TRPC4: variants seen among roughly 807,000 people sequenced by gnomAD.
TRPC4 encodes transient receptor potential cation channel subfamily C member 4.
Under a neutral mutation model 99.4 loss-of-function variants are expected in TRPC4, and 49 were observed. The ratio of observed to expected loss-of-function variants is 0.49; its 90% CI spans 0.39 to 0.63. TRPC4 has a LOEUF of 0.63. Ranked by LOEUF, TRPC4 falls within the 20% of genes least tolerant of loss-of-function variation. The pLI, the probability that TRPC4 is intolerant of heterozygous loss-of-function variation, is 0.00. For missense variants in TRPC4, 898 were observed against 1,152.9 expected, an observed-to-expected ratio of 0.78 and a Z score of 3.20; for synonymous variants, 454 against 425.9, an observed-to-expected ratio of 1.07 and a Z score of -0.81.
At chr13:37,679,934 T>C (rs1228010038) in intron 4 of TRPC4, among the ~76,000 whole-genome samples, 2 of 152,188 alleles carry the variant, frequency 1.3e-5, no homozygotes, top group African/African-American at 4.8e-5. Context: ...TCCATACCTA[T>C]GGTGCTTTCT....
At chr13:37,745,490 T>TATA (rs1430019868) in intron 3 of TRPC4, among the ~76,000 whole-genome samples, 3 of 111,980 alleles carry the variant, frequency 2.7e-5, no homozygotes, top group African/African-American at 1.3e-4. Context: ...ACACACACAC[T>TATA]TATATATACG....
intron 2 of TRPC4, among the ~76,000 whole-genome samples, chr13:37,762,443 A>G (rs1956247872): frequency 6.6e-6 from 1 of 151,564 alleles, no homozygotes; most frequent in African/African-American, 2.4e-5. Context: ...CACTATTCAC[A>G]ATAGCGAAGA....
At position 37,844,891 on chromosome 13, in the gene TRPC4, C is replaced by T. The variant is rs140805071; in HGVS notation, c.-28+24704G>A. The stretch of plus-strand genomic sequence containing the variant: ...CAAGCAGCAATCCTAGGTACTTCAC[C>T]AGCCTTGGATCCCAGCAAATGGCCC... On this transcript the variant is annotated intron_variant, in intron 1 of 10. Transcript: ENST00000379705. Among the ~76,000 whole-genome samples, 543 of 152,208 alleles carry T rather than the reference C, an allele frequency of 3.6e-3. 4 individuals are homozygous for T. The highest frequency in any genetic ancestry group is 0.013 in the African/African-American group (527 of 41,518).
At chr13:37,783,478 ATTAAGAG>A (rs1468011211) in intron 1 of TRPC4, 118 bp from the exon 2 acceptor site, 1 of 717,242 alleles carries the variant, frequency 1.4e-6, no homozygotes, top group African/African-American at 1.8e-5. Context: ...ATTAGTAACT[ATTAAGAG>A]TTAAGGTTTT....
At chr13:37,722,612 AC>A (rs1954911395) in intron 3 of TRPC4, among the ~76,000 whole-genome samples, 1 of 152,212 alleles carries the variant, frequency 6.6e-6, no homozygotes, top group African/African-American at 2.4e-5. Context: ...ATGTTTTCAT[AC>A]ACAAGATGTT....
intron 3 of TRPC4, among the ~76,000 whole-genome samples, chr13:37,726,200 C>A (rs9532110): frequency 0.94 from 138,827 of 148,006 alleles, 65,342 homozygotes; most frequent in Non-Finnish European, 0.98. Flanking sequence ...CGTCCCCCCC[C>A]AAAAAAAAAA....
intron 4 of TRPC4, among the ~76,000 whole-genome samples, chr13:37,687,241 G>C (rs1953513968): frequency 6.6e-6 from 1 of 152,116 alleles, no homozygotes; most frequent in South Asian, 2.1e-4. Flanking sequence ...GGGATTATAG[G>C]TGTGAGCCAC....
intron 6 of TRPC4, among the ~76,000 whole-genome samples, chr13:37,656,690 T>C (rs772231294): frequency 2.0e-5 from 3 of 151,990 alleles, no homozygotes; most frequent in Non-Finnish European, 4.4e-5. Context: ...ATGACAGGGG[T>C]TATGATGTGG....
intron 3 of TRPC4, among the ~76,000 whole-genome samples, chr13:37,714,741 TC>T (rs1954604810): frequency 8.6e-6 from 1 of 116,496 alleles, no homozygotes; most frequent in South Asian, 3.4e-4. Flanking sequence ...CCCTCACCGC[TC>T]CTTTACTTCT....
At chr13:37,703,811 G>A (rs1377486092) in intron 3 of TRPC4, among the ~76,000 whole-genome samples, 2 of 151,878 alleles carry the variant, frequency 1.3e-5, no homozygotes, top group South Asian at 4.1e-4. Flanking sequence ...ATCTACCAAT[G>A]ATACATCCAT....
intron 3 of TRPC4, among the ~76,000 whole-genome samples, chr13:37,696,559 G>T (rs936766189): frequency 6.6e-6 from 1 of 152,096 alleles, no homozygotes; most frequent in African/African-American, 2.4e-5. Flanking sequence ...AGGAACAACC[G>T]TCCTGGCTAC....
intron 3 of TRPC4, among the ~76,000 whole-genome samples, chr13:37,710,817 G>C (rs992863217): frequency 1.3e-5 from 2 of 151,738 alleles, no homozygotes; most frequent in African/African-American, 4.8e-5. Flanking sequence ...TTTTCAATTA[G>C]GAAAGGGAAA....
chr13:37,665,309 A>G (rs1422347629), intron 5 of TRPC4, among the ~76,000 whole-genome samples: 1 of 152,212 alleles, frequency 6.6e-6, no homozygotes, highest in East Asian at 1.9e-4. Context: ...TTAGCTCATA[A>G]ATATTTATAC....
chr13:37,758,759 G>C (rs1956155699), intron 2 of TRPC4, among the ~76,000 whole-genome samples: 1 of 151,350 alleles, frequency 6.6e-6, no homozygotes. Flanking sequence ...CATACAGAAA[G>C]AAAAAAGTTG....
At chr13:37,771,777 T>C (rs1263169158) in intron 2 of TRPC4, among the ~76,000 whole-genome samples, 2 of 151,674 alleles carry the variant, frequency 1.3e-5, no homozygotes, top group African/African-American at 2.4e-5. Flanking sequence ...TGGGTATATG[T>C]AGAAGAAAAA....
At chr13:37,752,885 T>C (rs1310780539) in intron 2 of TRPC4, among the ~76,000 whole-genome samples, 1 of 152,062 alleles carries the variant, frequency 6.6e-6, no homozygotes, top group African/African-American at 2.4e-5. Context: ...AAATAATTAC[T>C]ATACATGAGC....
chr13:37,730,051 C>T (rs1218071405), intron 3 of TRPC4, among the ~76,000 whole-genome samples: 1 of 151,974 alleles, frequency 6.6e-6, no homozygotes, highest in Non-Finnish European at 1.5e-5. Context: ...CAGAGGCTGG[C>T]CACTCAGAAA....
At chr13:37,734,744 T>C (rs1955344965) in intron 3 of TRPC4, among the ~76,000 whole-genome samples, 1 of 152,140 alleles carries the variant, frequency 6.6e-6, no homozygotes, top group Non-Finnish European at 1.5e-5. Context: ...CGGAGCTGCC[T>C]GGGAAAATCA....
At chr13:37,800,102 G>T (rs1191934489) in intron 1 of TRPC4, among the ~76,000 whole-genome samples, 1 of 152,186 alleles carries the variant, frequency 6.6e-6, no homozygotes, top group African/African-American at 2.4e-5. Context: ...TGAATAATTT[G>T]TTAAAATGTT....
Sources: allele counts gnomAD v4.1 joint callset (sites outside exome capture counted in the v4.1 genomes callset), GRCh38; gene constraint gnomAD v4.1.1; transcripts MANE v1.5; gene names NCBI Gene and HGNC (gene_info 2026-07-23, HGNC 2026-07-21).